Variants in CRHR2 observed in about 807,000 individuals in gnomAD.
CRHR2 encodes corticotropin-releasing hormone receptor 2.
CRHR2 carries 53 observed loss-of-function variants against 57.9 expected under a neutral mutation model. The observed-to-expected ratio is 0.92, with a 90% CI of 0.73 to 1.15. The LOEUF is 1.15. Among genes scored for constraint, CRHR2 ranks in the 50% most tolerant of loss-of-function variants. The pLI is 0.00. For synonymous variants in CRHR2, 213 were observed against 220.9 expected, an observed-to-expected ratio of 0.96 and a Z score of 0.32; for missense variants, 532 against 542.6, an observed-to-expected ratio of 0.98 and a Z score of 0.19.
At chr7:30,667,397 G>A (rs1784222330) in intron 2 of CRHR2, 84 bp from the exon 3 acceptor site, 5 of 1,121,544 alleles carry the variant, frequency 4.5e-6, no homozygotes, top group Non-Finnish European at 4.1e-6. Context: ...ACAGGATAAG[G>A]TGTACGCACC....
chr7:30,690,174 G>A (rs1206768155), intron 1 of CRHR2, among the ~76,000 whole-genome samples: 2 of 152,138 alleles, frequency 1.3e-5, no homozygotes, highest in South Asian at 2.1e-4. Flanking sequence ...CGGCATGTAC[G>A]ATTTACTGAG....
chr7:30,653,709 C>G lies in CRHR2; in HGVS notation c.1096-109G>C. The G allele has an allele frequency of 2.2e-6, 3 of 1,345,436 alleles. No individual in the cohort carries two copies. Among genetic ancestry groups the G allele is most frequent in the Non-Finnish European group, 3.0e-6 (3 of 1,011,096 alleles). The allele number at this position is 1,345,436 out of a possible 1,614,324, so 83.3% of individuals were successfully genotyped here. ...CATGGGTCGACTGCCACCCTCATGACAAGGAACTGTCTGCTTCCAAAACAG... is the reference window on the plus strand; with the variant it reads ...CATGGGTCGACTGCCACCCTCATGAGAAGGAACTGTCTGCTTCCAAAACAG... On this transcript the variant is annotated intron_variant, in intron 11 of 11. Coordinates refer to ENST00000471646, the MANE Select transcript of CRHR2 (RefSeq NM_001883.5). The surrounding 1 kb of genome is among the most constrained non-coding windows in gnomAD (Gnocchi z 5.0).
At chr7:30,661,798 T>A (rs1784009495) in intron 7 of CRHR2, among the ~76,000 whole-genome samples, 1 of 152,160 alleles carries the variant, frequency 6.6e-6, no homozygotes, top group African/African-American at 2.4e-5. Context: ...CTTTAAATGC[T>A]CATGGACAGC....
chr7:30,692,056 T>C (rs571477110), intron 1 of CRHR2, among the ~76,000 whole-genome samples: 33 of 152,378 alleles, frequency 2.2e-4, no homozygotes, highest in Non-Finnish European at 3.8e-4. Context: ...GGCAAGCCAC[T>C]TAAGTTCTCT....
intron 2 of CRHR2, among the ~76,000 whole-genome samples, chr7:30,676,764 C>T (rs1471875236): frequency 1.3e-5 from 2 of 152,216 alleles, no homozygotes; most frequent in South Asian, 2.1e-4. Flanking sequence ...GGAGAGACCC[C>T]TCTGGCTGGA....
intron 8 of CRHR2, 120 bp downstream of exon 8, chr7:30,660,453 G>T: frequency 1.0e-6 from 1 of 980,888 alleles, no homozygotes; most frequent in African/African-American, 1.6e-5. Context: ...TACGGGGGTG[G>T]CATATAGAGT....
In CRHR2 at chr7:30,672,637, C is replaced by T. The variant is rs370453858; in HGVS notation, c.230-5324G>A. 1.1e-4 allele frequency among the ~76,000 whole-genome samples: 17 copies of T among 152,334 alleles called. No homozygotes were observed. The East Asian group carries it at 3.3e-3, about 29-fold the overall frequency. ...GGAAGCAAGGTCTCACACAAAGACA[C>T]CATGGGTAGGCTGACCCAGCTGCCA... On this transcript the variant is annotated intron_variant, in intron 2 of 11. Transcript: ENST00000471646.
In CRHR2 at chr7:30,655,917, C is replaced by T; in HGVS notation, c.917+10G>A. The T allele has an allele frequency of 1.2e-6, 2 of 1,613,728 alleles. No individual in the cohort carries two copies. Among genetic ancestry groups the T allele is most frequent in the South Asian group, 2.2e-5 (2 of 91,058 alleles). Reference sequence around the variant, plus strand: ...TCCCCATTGTGGGGTCAAGGGACCCCCTCACATACCTGTACTGGATTGTCT... The same window carrying T: ...TCCCCATTGTGGGGTCAAGGGACCCTCTCACATACCTGTACTGGATTGTCT... On this transcript the variant is annotated intron_variant, in intron 9 of 11. Coordinates refer to ENST00000471646, the MANE Select transcript of CRHR2 (RefSeq NM_001883.5).
At chr7:30,682,580 G>T, upstream of CRHR2, 1 of 1,070,764 alleles carries the variant, frequency 9.3e-7, no homozygotes, top group Non-Finnish European at 1.2e-6. Flanking sequence ...TCAGTCTCCA[G>T]CCCCCGGGCC....
chr7:30,669,681 T>G (rs1435575144), intron 2 of CRHR2, among the ~76,000 whole-genome samples: 1 of 152,164 alleles, frequency 6.6e-6, no homozygotes, highest in Non-Finnish European at 1.5e-5. Context: ...CCTCCCTGCT[T>G]CTTTTCTTGC....
intron 8 of CRHR2, among the ~76,000 whole-genome samples, chr7:30,658,893 G>A (rs1783887759): frequency 6.6e-6 from 1 of 152,206 alleles, no homozygotes; most frequent in African/African-American, 2.4e-5. Context: ...GAGCTGCTGG[G>A]GAGTGTAGGG....
In CRHR2 at chr7:30,656,356, T is replaced by C. The variant is rs1783789253; in HGVS notation, c.832-344A>G. Among the ~76,000 whole-genome samples the C allele has an allele frequency of 6.6e-6, 1 of 152,144 alleles. No individual in the cohort carries two copies. Among genetic ancestry groups the C allele is most frequent in the African/African-American group, 2.4e-5 (1 of 41,430 alleles). On this transcript the variant is annotated intron_variant, in intron 8 of 11. Transcript: ENST00000471646. The surrounding 1 kb of genome is among the most constrained non-coding windows in gnomAD (Gnocchi z 4.4). ...TATAGGGACCCTATGGGAGCCCCCTTCCCCTCACTGCCACGGGGTCCCTAC... is the reference window on the plus strand; with the variant it reads ...TATAGGGACCCTATGGGAGCCCCCTCCCCCTCACTGCCACGGGGTCCCTAC...
At position 30,653,446 on chromosome 7, in the gene CRHR2, G is replaced by A; in HGVS notation, c.*14C>T. 4 of 1,611,790 alleles carry A rather than the reference G, an allele frequency of 2.5e-6. No homozygotes were observed. Among genetic ancestry groups the A allele is most frequent in the Non-Finnish European group, 3.4e-6 (4 of 1,179,018 alleles). Reference sequence around the variant, plus strand: ...AGGAGGACAGGGGAGCTGTGCAGGTGGGCGACCGAGGGGTCACACAGCGGC... The same window carrying A: ...AGGAGGACAGGGGAGCTGTGCAGGTAGGCGACCGAGGGGTCACACAGCGGC... On this transcript the variant is annotated 3_prime_UTR_variant, in exon 12 of 12. Transcript: ENST00000471646. This position sits in a 1 kb window ranked among gnomAD's most constrained non-coding sequence, Gnocchi z 5.0.
chr7:30,695,231 C>T (rs977878056), intron 1 of CRHR2, among the ~76,000 whole-genome samples: 1 of 152,042 alleles, frequency 6.6e-6, no homozygotes, highest in African/African-American at 2.4e-5. Flanking sequence ...CAGGCAGGCT[C>T]CTTGGAAGAG....
chr7:30,653,469 G>T lies in CRHR2; in HGVS notation c.1227C>A (p.Ala409=). ...GTGGGCGACCGAGGGGTCACACAGC[G>T]GCCGTCTGCTTGATGCTGTGGAAGC... ...RISFHSIKQT[A]AV The change falls in exon 12 of 12, where the codon GCC becomes GCA. Residue 409 remains alanine (A), a synonymous_variant. Transcript: ENST00000471646. This position sits in a 1 kb window ranked among gnomAD's most constrained non-coding sequence, Gnocchi z 5.0. 4 of 1,613,432 alleles carry T rather than the reference G, an allele frequency of 2.5e-6. No individual in the cohort carries two copies. Among genetic ancestry groups the T allele is most frequent in the Non-Finnish European group, 3.4e-6 (4 of 1,179,850 alleles).
chr7:30,667,809 C>G (rs143145808), intron 2 of CRHR2, among the ~76,000 whole-genome samples: 1 of 152,360 alleles, frequency 6.6e-6, no homozygotes, highest in East Asian at 1.9e-4. Flanking sequence ...TCAATCTCCA[C>G]AACCATCCCA....
At chr7:30,661,160 G>T (rs1783984266) in intron 7 of CRHR2, among the ~76,000 whole-genome samples, 1 of 152,242 alleles carries the variant, frequency 6.6e-6, no homozygotes, top group Admixed American at 6.5e-5. Flanking sequence ...AGTGAGGGGA[G>T]CTGCTGCCTG....
chr7:30,657,019 C>T (rs534700394), intron 8 of CRHR2, among the ~76,000 whole-genome samples: 24 of 152,106 alleles, frequency 1.6e-4, no homozygotes, highest in African/African-American at 5.5e-4. Context: ...ACAAAGTGCT[C>T]GTGGGCCAGA....
intron 2 of CRHR2, among the ~76,000 whole-genome samples, chr7:30,688,537 G>C (rs1317359837): frequency 6.6e-6 from 1 of 152,260 alleles, no homozygotes; most frequent in Non-Finnish European, 1.5e-5. Context: ...GGCAGTGCCT[G>C]TAGGCTGGGT....
Sources: allele counts gnomAD v4.1 joint callset (sites outside exome capture counted in the v4.1 genomes callset), GRCh38; gene constraint gnomAD v4.1.1; non-coding constraint Gnocchi (gnomAD v3.1); transcripts MANE v1.5; gene names NCBI Gene and HGNC (gene_info 2026-07-23, HGNC 2026-07-21).